DCC: variants seen among roughly 807,000 people sequenced by gnomAD.
DCC encodes the protein DCC netrin 1 receptor, also known as netrin receptor DCC.
A neutral mutation model predicts 172.5 loss-of-function variants in DCC; 58 were observed. The observed-to-expected ratio is 0.34, with a 90% CI of 0.27 to 0.42. The LOEUF (loss-of-function observed/expected upper bound fraction) is 0.42. Ranked by LOEUF, DCC falls within the 10% of genes least tolerant of loss-of-function variation. The probability of loss-of-function intolerance (pLI) is 1.00; values close to 1 mark genes in which losing one functional copy is unlikely to be tolerated. For missense variants in DCC, 1,740 were observed against 1,791.0 expected (o/e 0.97, Z 0.51); for synonymous variants, 709 against 644.5 (o/e 1.10, Z -1.52).
chr18:52,794,035 C>T (rs1197151081), intron 2 of DCC, among the ~76,000 whole-genome samples: 1 of 152,110 alleles, frequency 6.6e-6, no homozygotes, highest in South Asian at 2.1e-4. Context: ...ATTCTAATAC[C>T]ATACTGTTTT....
intron 7 of DCC, among the ~76,000 whole-genome samples, chr18:53,082,718 C>T (rs1452065630): frequency 1.3e-5 from 2 of 152,034 alleles, no homozygotes; most frequent in Admixed American, 6.6e-5. Flanking sequence ...CTTATAGTTT[C>T]CACGTGGTAT....
At chr18:52,966,465 G>A (rs141700896) in intron 5 of DCC, among the ~76,000 whole-genome samples, 271 of 152,164 alleles carry the variant, frequency 1.8e-3, no homozygotes, top group African/African-American at 6.2e-3. Context: ...CATCTCTGCT[G>A]TGCAGTATCC....
chr18:52,449,503 C>G (rs1988233152), intron 1 of DCC, among the ~76,000 whole-genome samples: 3 of 152,242 alleles, frequency 2.0e-5, no homozygotes, highest in African/African-American at 7.2e-5. Context: ...ACAGTAAATT[C>G]AGGTAGAAGT....
At chr18:53,282,420 G>GGCAA in intron 12 of DCC, among the ~76,000 whole-genome samples, 1 of 152,152 alleles carries the variant, frequency 6.6e-6, no homozygotes, top group East Asian at 1.9e-4. Flanking sequence ...ATACAGAAGA[G>GGCAA]GCAAGAAGGC....
chr18:53,128,866 CACACATATATATATAT>C (rs2043608268), intron 7 of DCC, among the ~76,000 whole-genome samples: 6 of 86,926 alleles, frequency 6.9e-5, no homozygotes, highest in African/African-American at 3.2e-4. Flanking sequence ...CACACACACA[CACACATATATATATAT>C]ATATATATAT....
At chr18:52,495,756 T>C (rs987618015) in intron 1 of DCC, among the ~76,000 whole-genome samples, 1 of 149,850 alleles carries the variant, frequency 6.7e-6, no homozygotes, top group South Asian at 2.1e-4. Context: ...TATTTTATTT[T>C]TTTATTTATG....
intron 1 of DCC, among the ~76,000 whole-genome samples, chr18:52,395,333 A>C (rs1451362470): frequency 1.3e-5 from 2 of 152,046 alleles, no homozygotes; most frequent in Admixed American, 1.3e-4. Flanking sequence ...CACTCAAACA[A>C]GTAGTGGGTT....
intron 7 of DCC, among the ~76,000 whole-genome samples, chr18:53,118,463 G>A (rs2043438137): frequency 6.6e-6 from 1 of 151,618 alleles, no homozygotes; most frequent in Admixed American, 6.6e-5. Flanking sequence ...TAGACATGTA[G>A]GTTGCTTTCA....
intron 1 of DCC, among the ~76,000 whole-genome samples, chr18:52,654,127 C>T (rs55923672): frequency 0.12 from 18,948 of 152,186 alleles, 1,386 homozygotes; most frequent in Admixed American, 0.2. Flanking sequence ...GTACCAAATT[C>T]CTCACATATT....
At chr18:52,488,195 T>A (rs1792755465) in intron 1 of DCC, among the ~76,000 whole-genome samples, 1 of 152,184 alleles carries the variant, frequency 6.6e-6, no homozygotes, top group South Asian at 2.1e-4. Context: ...TTATTCCTCA[T>A]TTTTTGCAGA....
At position 53,370,537 on chromosome 18, in the gene DCC, C is replaced by A. The variant is rs116053441; in HGVS notation, c.2360-15506C>A. Among the ~76,000 whole-genome samples the A allele has an allele frequency of 2.9e-3, 434 of 151,882 alleles. 1 individual carries two copies. Among genetic ancestry groups the A allele is most frequent in the African/African-American group, 0.01 (417 of 41,526 alleles). Reference sequence around the variant, plus strand: ...TTTACAGCTGTAAACTTTACCCCAGCACTACTTCTGCTGCAACTCATGTGT... The same window carrying A: ...TTTACAGCTGTAAACTTTACCCCAGAACTACTTCTGCTGCAACTCATGTGT... On this transcript the variant is annotated intron_variant, in intron 15 of 28. Transcript: ENST00000442544.
intron 5 of DCC, among the ~76,000 whole-genome samples, chr18:53,028,196 A>G (rs1177503912): frequency 6.6e-6 from 1 of 152,112 alleles, no homozygotes; most frequent in East Asian, 1.9e-4. Context: ...TGGTAATTGG[A>G]AGTGCTATTA....
At chr18:53,363,259 T>G (rs2057967563) in intron 15 of DCC, among the ~76,000 whole-genome samples, 1 of 152,210 alleles carries the variant, frequency 6.6e-6, no homozygotes, top group African/African-American at 2.4e-5. Context: ...GAGCCAATTC[T>G]GCTGAAATTC....
At chr18:53,493,578 A>T (rs2045983910) in intron 26 of DCC, among the ~76,000 whole-genome samples, 1 of 152,104 alleles carries the variant, frequency 6.6e-6, no homozygotes, top group Non-Finnish European at 1.5e-5. Flanking sequence ...GTATTCTCTG[A>T]TGGTAGTTTG....
chr18:52,769,777 T>C (rs2037310427), intron 2 of DCC, among the ~76,000 whole-genome samples: 1 of 152,322 alleles, frequency 6.6e-6, no homozygotes, highest in Non-Finnish European at 1.5e-5. Context: ...GTAAGGTCTG[T>C]GTCTAGATTA....
At chr18:53,182,176 A>G (rs1210711646) in intron 9 of DCC, among the ~76,000 whole-genome samples, 1 of 152,246 alleles carries the variant, frequency 6.6e-6, no homozygotes, top group Non-Finnish European at 1.5e-5. Flanking sequence ...TTGTTGTCAC[A>G]TATAAATTCT....
At chr18:52,510,186 T>G (rs2031384116) in intron 1 of DCC, among the ~76,000 whole-genome samples, 1 of 152,068 alleles carries the variant, frequency 6.6e-6, no homozygotes, top group Admixed American at 6.6e-5. Context: ...CTTGGTCCAT[T>G]CAGCTTAGCT....
chr18:52,711,942 T>A (rs2036299035), intron 1 of DCC, among the ~76,000 whole-genome samples: 1 of 151,908 alleles, frequency 6.6e-6, no homozygotes, highest in Non-Finnish European at 1.5e-5. Context: ...TATAAAAGCA[T>A]CAAGGTAAAA....
At chr18:52,353,009 T>C (rs1984193354) in intron 1 of DCC, among the ~76,000 whole-genome samples, 1 of 152,194 alleles carries the variant, frequency 6.6e-6, no homozygotes, top group African/African-American at 2.4e-5. Flanking sequence ...GCCTCTATTC[T>C]TCACAATTGT....
Sources: gnomAD v4.1 joint callset for allele counts (sites outside exome capture counted in the v4.1 genomes callset) on GRCh38, gnomAD v4.1.1 for gene constraint, MANE v1.5 for transcripts, NCBI Gene and HGNC (gene_info 2026-07-23, HGNC 2026-07-21) for gene names.